Variants in PDZD2 observed in about 807,000 individuals in gnomAD.
PDZD2 encodes the protein PDZ domain containing 2, also known as PDZ domain-containing protein 2.
In PDZD2, 90 loss-of-function variants were observed where a neutral mutation model predicts 220.7. The observed-to-expected ratio is 0.41, with a 90% CI of 0.34 to 0.49. PDZD2 has a LOEUF of 0.49. PDZD2 is among the 20% of genes least tolerant of loss of function. PDZD2 has a pLI of 0.28. For missense variants in PDZD2, 3,174 were observed against 3,608.5 expected (o/e 0.88, Z 3.08); for synonymous variants, 1,375 against 1,450.5 (o/e 0.95, Z 1.18).
At chr5:31,994,548 C>T (rs1175861866) in intron 3 of PDZD2, among the ~76,000 whole-genome samples, 1 of 151,628 alleles carries the variant, frequency 6.6e-6, no homozygotes, top group Non-Finnish European at 1.5e-5. Flanking sequence ...TGCAGTGGCA[C>T]CATCTTGGCC....
At chr5:31,929,464 A>C (rs1334101401) in intron 2 of PDZD2, among the ~76,000 whole-genome samples, 1 of 152,232 alleles carries the variant, frequency 6.6e-6, no homozygotes, top group Non-Finnish European at 1.5e-5. Flanking sequence ...ACAGTTTAAA[A>C]TATCTGCGGA....
At position 32,076,982 on chromosome 5, in the gene PDZD2, T is replaced by C. The variant is rs148277093; in HGVS notation, c.3538-480T>C. Reference sequence around the variant, plus strand: ...CTGTTAGTTTTAGAATTTCATTGCATTGAATGTTAGGTAGAAGAAGAGAAA... The same window carrying C: ...CTGTTAGTTTTAGAATTTCATTGCACTGAATGTTAGGTAGAAGAAGAGAAA... On this transcript the variant is annotated intron_variant, in intron 18 of 24. Transcript: ENST00000438447. Among the ~76,000 whole-genome samples the C allele has an allele frequency of 1.6e-4, 24 of 152,340 alleles. 1 individual carries two copies. In the East Asian group the frequency reaches 4.6e-3, roughly 29 times the overall value.
chr5:31,780,452 G>A (rs1382947592), intron 1 of PDZD2, among the ~76,000 whole-genome samples: 1 of 152,130 alleles, frequency 6.6e-6, no homozygotes, highest in Non-Finnish European at 1.5e-5. Flanking sequence ...GTTTATTTTT[G>A]ATATTTCATC....
chr5:32,070,160 T>G (rs1740616416), intron 15 of PDZD2, among the ~76,000 whole-genome samples: 1 of 152,112 alleles, frequency 6.6e-6, no homozygotes, highest in Non-Finnish European at 1.5e-5. Context: ...ATGAAACATA[T>G]CAAGTCTTAA....
chr5:31,664,491 C>T (rs200282289), intron 1 of PDZD2, among the ~76,000 whole-genome samples: 13 of 151,752 alleles, frequency 8.6e-5, no homozygotes, highest in South Asian at 4.2e-4. Flanking sequence ...CGCATGCATG[C>T]GTACACACAC....
intron 1 of PDZD2, among the ~76,000 whole-genome samples, chr5:31,721,674 A>G (rs1431385064): frequency 6.6e-6 from 1 of 151,388 alleles, no homozygotes; most frequent in African/African-American, 2.4e-5. Context: ...AATTATGCCT[A>G]ATGCTTTGCA....
At position 32,087,674 on chromosome 5, in the gene PDZD2, A is replaced by G. The variant is rs375913166; in HGVS notation, c.4226A>G (p.His1409Arg). 4 of 1,614,046 alleles carry G rather than the reference A, an allele frequency of 2.5e-6. No individual in the cohort carries two copies. The African/African-American group carries it at 5.3e-5, about 22-fold the overall frequency. ...GACAACACCAAAGAAGCATGTGGCC[A>G]TGTCTCGGGGCACTGCTGCCCAGGG... ...STDNTKEACGHVSGHCCPGGS... is the reference protein window; with the variant it reads ...STDNTKEACGRVSGHCCPGGS... Residue 1409 changes from histidine to arginine, a missense_variant, in exon 20 of 25, where the codon CAT becomes CGT. Physicochemically the swap from His to Arg is conservative, Grantham distance 29. Coordinates refer to ENST00000438447, the MANE Select transcript of PDZD2 (RefSeq NM_178140.4). This position sits in a 1 kb window ranked among gnomAD's most constrained non-coding sequence, Gnocchi z 4.0.
chr5:32,079,492 C>A (rs77801894), intron 19 of PDZD2, among the ~76,000 whole-genome samples: 3,888 of 151,690 alleles, frequency 0.026, 75 homozygotes, highest in Non-Finnish European at 0.042. Flanking sequence ...GATAGCCTTC[C>A]TTTTTAGGGC....
chr5:32,087,552 T>G lies in PDZD2; in HGVS notation c.4104T>G (p.His1368Gln), dbSNP rs1325605866. Residue 1368 changes from histidine (H) to glutamine (Q), a missense_variant, in exon 20 of 25, where the codon CAT (histidine) becomes CAG (glutamine). This residue lies in a region of PDZD2 where 1,861 missense variants were observed against 2,001.0 expected (regional missense o/e 0.93). Coordinates refer to ENST00000438447, the MANE Select transcript of PDZD2 (RefSeq NM_178140.4). The surrounding 1 kb of genome is among the most constrained non-coding windows in gnomAD (Gnocchi z 4.0). ...AGGCTCTGGAAATGACAGGAATCCATGCACCTGAAAGCTCCCAGGAGCCTT... is the reference window on the plus strand; with the variant it reads ...AGGCTCTGGAAATGACAGGAATCCAGGCACCTGAAAGCTCCCAGGAGCCTT... The part of the protein sequence containing the change: ...HSKALEMTGI[H>Q]APESSQEPSL... 2 of 1,613,752 alleles carry G rather than the reference T, an allele frequency of 1.2e-6. No homozygotes were observed. The highest frequency in any genetic ancestry group is 1.7e-6 in the Non-Finnish European group (2 of 1,179,880).
At chr5:31,862,346 C>T (rs185383714) in intron 2 of PDZD2, among the ~76,000 whole-genome samples, 11 of 151,960 alleles carry the variant, frequency 7.2e-5, no homozygotes, top group African/African-American at 1.4e-4. Flanking sequence ...TCAGATGATC[C>T]ACCCGTCTCG....
chr5:32,022,497 G>A (rs904265192), intron 6 of PDZD2, among the ~76,000 whole-genome samples: 2 of 151,604 alleles, frequency 1.3e-5, no homozygotes, highest in African/African-American at 2.4e-5. Context: ...ATGAGCCCCC[G>A]CACCCAGCCA....
intron 2 of PDZD2, among the ~76,000 whole-genome samples, chr5:31,974,705 A>G (rs942330090): frequency 6.6e-6 from 1 of 152,198 alleles, no homozygotes. Flanking sequence ...CCTTCAGGGC[A>G]GTATGGACCT....
chr5:31,878,077 A>G (rs1739471505), intron 2 of PDZD2, among the ~76,000 whole-genome samples: 1 of 152,162 alleles, frequency 6.6e-6, no homozygotes, highest in Non-Finnish European at 1.5e-5. Context: ...GAATGCAGAG[A>G]TTTGAAGTGG....
In PDZD2 at chr5:31,833,842, C is replaced by T. The variant is rs150265305; in HGVS notation, c.476+34118C>T. Among the ~76,000 whole-genome samples the T allele has an allele frequency of 1.1e-3, 171 of 152,294 alleles. 1 individual carries two copies. Among genetic ancestry groups the T allele is most frequent in the African/African-American group, 4.0e-3 (166 of 41,558 alleles). On this transcript the variant is annotated intron_variant, in intron 2 of 24. Transcript: ENST00000438447. ...AGCAGCAGTGACCTAGGCTCCGACTCCCCTGGTGGGGACTATGGCCATGGT... is the reference window on the plus strand; with the variant it reads ...AGCAGCAGTGACCTAGGCTCCGACTTCCCTGGTGGGGACTATGGCCATGGT...
intron 1 of PDZD2, among the ~76,000 whole-genome samples, chr5:31,659,762 T>C (rs6882746): frequency 0.58 from 88,653 of 152,062 alleles, 26,755 homozygotes; most frequent in Middle Eastern, 0.8. Context: ...AATTTTTCTA[T>C]CTGTTGTACC....
intron 1 of PDZD2, among the ~76,000 whole-genome samples, chr5:31,797,649 C>A (rs1020587587): frequency 2.6e-5 from 4 of 152,164 alleles, no homozygotes; most frequent in Non-Finnish European, 5.9e-5. Flanking sequence ...TTCTTTTTAA[C>A]AACCATGTGA....
At chr5:31,815,085 A>C (rs1272125851) in intron 2 of PDZD2, among the ~76,000 whole-genome samples, 1 of 151,860 alleles carries the variant, frequency 6.6e-6, no homozygotes, top group Non-Finnish European at 1.5e-5. Flanking sequence ...TCTACTAAAA[A>C]TACAAGAAAA....
At chr5:31,811,050 C>T (rs1482486270) in intron 2 of PDZD2, among the ~76,000 whole-genome samples, 4 of 152,154 alleles carry the variant, frequency 2.6e-5, no homozygotes, top group African/African-American at 9.7e-5. Flanking sequence ...ATGGCACGAT[C>T]TTGGTTGGCT....
chr5:31,908,860 C>T, intron 2 of PDZD2: 1 of 496,514 alleles, frequency 2.0e-6, no homozygotes, highest in Non-Finnish European at 3.7e-6. Flanking sequence ...GCCTTGGCAA[C>T]ATAGTGAGAC....
Sources: allele counts gnomAD v4.1 joint callset (sites outside exome capture counted in the v4.1 genomes callset), GRCh38; gene constraint gnomAD v4.1.1; regional missense constraint gnomAD v4.1.1; non-coding constraint Gnocchi (gnomAD v3.1); transcripts MANE v1.5; gene names NCBI Gene and HGNC (gene_info 2026-07-23, HGNC 2026-07-21).